Variants in OPCML observed in about 807,000 individuals in gnomAD.
The protein encoded by OPCML is opioid binding protein/cell adhesion molecule like.
Under a neutral mutation model 37.8 loss-of-function variants are expected in OPCML, and 13 were observed. The ratio of observed to expected loss-of-function variants is 0.34; its 90% confidence interval spans 0.22 to 0.55. OPCML has a LOEUF of 0.55. Ranked by LOEUF, OPCML falls within the 20% of genes least tolerant of loss-of-function variation. The pLI, the probability that OPCML is intolerant of heterozygous loss-of-function variation, is 0.91. For synonymous variants in OPCML, 176 were observed against 168.8 expected (o/e 1.04, Z -0.33); for missense variants, 341 against 435.6 (o/e 0.78, Z 1.93).
intron 1 of OPCML, among the ~76,000 whole-genome samples, chr11:133,273,415 G>A (rs868086547): frequency 6.6e-6 from 1 of 152,126 alleles, no homozygotes; most frequent in African/African-American, 2.4e-5. Context: ...AAGTCCTGCG[G>A]CATCCTGAGG....
chr11:133,463,331 G>A (rs975576679), intron 1 of OPCML, among the ~76,000 whole-genome samples: 11 of 152,070 alleles, frequency 7.2e-5, no homozygotes, highest in Admixed American at 4.6e-4. Flanking sequence ...GGATTATTGT[G>A]ATGGTTGCAC....
chr11:133,424,086 G>A (rs1945951373), intron 1 of OPCML, among the ~76,000 whole-genome samples: 1 of 152,196 alleles, frequency 6.6e-6, no homozygotes, highest in African/African-American at 2.4e-5. Context: ...CTAACACAGA[G>A]ATATTCAGTT....
chr11:133,335,192 A>T (rs1233589891), intron 1 of OPCML, among the ~76,000 whole-genome samples: 1 of 152,024 alleles, frequency 6.6e-6, no homozygotes, highest in East Asian at 1.9e-4. Context: ...AATCCTTACA[A>T]CCATCTTTCA....
At chr11:133,441,355 G>A (rs1946362180) in intron 1 of OPCML, among the ~76,000 whole-genome samples, 2 of 152,034 alleles carry the variant, frequency 1.3e-5, no homozygotes, top group Middle Eastern at 3.4e-3. Flanking sequence ...ACACAAAAAG[G>A]AAATACATGG....
At chr11:133,402,452 C>T (rs1197301656) in intron 1 of OPCML, among the ~76,000 whole-genome samples, 1 of 152,116 alleles carries the variant, frequency 6.6e-6, no homozygotes, top group Non-Finnish European at 1.5e-5. Flanking sequence ...ATTTTAACAA[C>T]CTAGATTTCT....
chr11:133,350,535 A>C (rs1188730648), intron 1 of OPCML, among the ~76,000 whole-genome samples: 1 of 152,148 alleles, frequency 6.6e-6, no homozygotes, highest in African/African-American at 2.4e-5. Flanking sequence ...ATAGCATGGG[A>C]ATGTCACCCC....
chr11:132,535,953 T>C (rs1253451574), intron 3 of OPCML, among the ~76,000 whole-genome samples: 6 of 152,046 alleles, frequency 3.9e-5, no homozygotes, highest in Non-Finnish European at 8.8e-5. Context: ...AAGAACTCTC[T>C]GGGAATTTTT....
intron 1 of OPCML, among the ~76,000 whole-genome samples, chr11:133,038,086 C>G (rs1947814474): frequency 6.6e-6 from 1 of 152,248 alleles, no homozygotes; most frequent in Non-Finnish European, 1.5e-5. Flanking sequence ...GCCCATATCT[C>G]TACAAGTAGG....
intron 1 of OPCML, among the ~76,000 whole-genome samples, chr11:133,508,376 C>A (rs1053160425): frequency 6.6e-6 from 1 of 152,208 alleles, no homozygotes; most frequent in Non-Finnish European, 1.5e-5. Context: ...ACAAGAACCA[C>A]TGGATGTCAA....
chr11:133,474,409 CA>C (rs1389993751), intron 1 of OPCML, among the ~76,000 whole-genome samples: 1 of 152,194 alleles, frequency 6.6e-6, no homozygotes, highest in Admixed American at 6.5e-5. Context: ...TTTATGAATT[CA>C]AAAGCTGTTA....
At chr11:133,389,437 C>T (rs1945122796) in intron 1 of OPCML, among the ~76,000 whole-genome samples, 1 of 152,130 alleles carries the variant, frequency 6.6e-6, no homozygotes, top group African/African-American at 2.4e-5. Context: ...CCGGTTAAGG[C>T]ATCCTCTTTG....
At chr11:133,142,735 G>A (rs1209444123) in intron 1 of OPCML, among the ~76,000 whole-genome samples, 1 of 152,100 alleles carries the variant, frequency 6.6e-6, no homozygotes, top group Non-Finnish European at 1.5e-5. Context: ...ACGTGCAAAA[G>A]AGAAAGTAGG....
chr11:133,490,771 A>G (rs1032905739), intron 1 of OPCML, among the ~76,000 whole-genome samples: 2 of 152,150 alleles, frequency 1.3e-5, no homozygotes, highest in Non-Finnish European at 2.9e-5. Context: ...CTACATCAGC[A>G]GAGAGGCTAC....
intron 1 of OPCML, among the ~76,000 whole-genome samples, chr11:133,244,998 C>T (rs1275163561): frequency 6.6e-6 from 1 of 152,208 alleles, no homozygotes; most frequent in African/African-American, 2.4e-5. Flanking sequence ...GAAATCTGTG[C>T]TGTGGAGGCA....
chr11:132,964,336 T>C (rs1056636652), intron 1 of OPCML, among the ~76,000 whole-genome samples: 1 of 152,224 alleles, frequency 6.6e-6, no homozygotes, highest in Admixed American at 6.5e-5. Flanking sequence ...GATGTTGTTA[T>C]GTAACAGATG....
rs926406739 is a variant in OPCML, at chr11:133,427,573, T to A, written c.61+104691A>T. 2.4e-4 allele frequency among the ~76,000 whole-genome samples: 36 copies of A among 151,790 alleles called. 1 individual carries two copies. Among genetic ancestry groups the A allele is most frequent in the African/African-American group, 8.7e-4 (36 of 41,396 alleles). On this transcript the variant is annotated intron_variant, in intron 1 of 7. Transcript: ENST00000524381. Reference sequence around the variant, plus strand: ...ACAGGATAAATAGAAAAAATAAAAATGAGCAGAACTGGAATGATAATGAAG... The same window carrying A: ...ACAGGATAAATAGAAAAAATAAAAAAGAGCAGAACTGGAATGATAATGAAG...
rs185185665 is a variant in OPCML, at chr11:132,840,716, C to T, written c.146+102210G>A. 1.2e-3 allele frequency among the ~76,000 whole-genome samples: 176 copies of T among 152,280 alleles called. 1 individual carries two copies. Among genetic ancestry groups the T allele is most frequent in the Non-Finnish European group, 2.1e-4 (14 of 68,020 alleles). ...GAAATTACACAACGTTATTCACATT[C>T]GCTTTTATAATTTTATCCTTTTTTC... is the stretch of plus-strand genomic sequence containing the variant. On this transcript the variant is annotated intron_variant, in intron 2 of 7. Transcript: ENST00000524381.
chr11:133,494,179 T>C (rs866515832), intron 1 of OPCML, among the ~76,000 whole-genome samples: 1 of 152,258 alleles, frequency 6.6e-6, no homozygotes, highest in Middle Eastern at 3.4e-3. Context: ...AGATACCATC[T>C]CACACCACTT....
At chr11:132,704,401 C>T (rs1207534058) in intron 2 of OPCML, among the ~76,000 whole-genome samples, 1 of 151,994 alleles carries the variant, frequency 6.6e-6, no homozygotes, top group East Asian at 1.9e-4. Context: ...GGGATGAAAC[C>T]AGTTTGTAAA....
Sources: gnomAD v4.1 joint callset for allele counts (sites outside exome capture counted in the v4.1 genomes callset) on GRCh38, gnomAD v4.1.1 for gene constraint, MANE v1.5 for transcripts, NCBI Gene and HGNC (gene_info 2026-07-23, HGNC 2026-07-21) for gene names.